HACE1: variants seen among roughly 807,000 people sequenced by gnomAD.
The protein encoded by HACE1 is HECT domain and ankyrin repeat containing E3 ubiquitin protein ligase 1, also known as E3 ubiquitin-protein ligase HACE1.
Under a neutral mutation model 118.4 loss-of-function variants are expected in HACE1, and 73 were observed. That is an observed-to-expected ratio of 0.62 (90% CI 0.51 to 0.75). The LOEUF (loss-of-function observed/expected upper bound fraction) is 0.75. Ranked by LOEUF, HACE1 falls within the 30% of genes least tolerant of loss-of-function variation. HACE1 has a pLI of 0.00. For missense variants in HACE1, 749 were observed against 1,102.2 expected, an observed-to-expected ratio of 0.68 and a Z score of 4.54; for synonymous variants, 368 against 374.8, an observed-to-expected ratio of 0.98 and a Z score of 0.21.
At chr6:104,778,505 A>G (rs1431620199) in intron 14 of HACE1, among the ~76,000 whole-genome samples, 2 of 152,074 alleles carry the variant, frequency 1.3e-5, no homozygotes, top group African/African-American at 4.8e-5. Flanking sequence ...ATTAAAAGTA[A>G]GAGAAGAGGC....
chr6:104,777,243 C>T lies in HACE1; in HGVS notation c.1641G>A (p.Arg547=), dbSNP rs1470031596. 9 of 1,613,324 alleles carry T rather than the reference C, an allele frequency of 5.6e-6. No homozygotes were observed. The highest frequency in any genetic ancestry group is 6.8e-6 in the Non-Finnish European group (8 of 1,179,386). The change falls in exon 15 of 24, where the codon AGG becomes AGA. Residue 547 remains arginine (R), a synonymous_variant. Coordinates refer to ENST00000262903, the MANE Select transcript of HACE1 (RefSeq NM_020771.4). The part of the protein sequence containing the change: ...SGQPDSDMVH[R]PVNENDILLV... ...GCAGGATATCATTTTCATTCACTGG[C>T]CTGTGCACCATATCTGAATCTGGCT...
intron 19 of HACE1, chr6:104,766,884 T>C (rs990701047): frequency 2.0e-5 from 3 of 152,208 alleles, no homozygotes; most frequent in Non-Finnish European, 2.9e-5. Flanking sequence ...GGATGGCCCC[T>C]GCACAAGCAG....
chr6:104,780,019 T>G (rs1441879775), intron 14 of HACE1, among the ~76,000 whole-genome samples: 1 of 152,074 alleles, frequency 6.6e-6, no homozygotes, highest in Non-Finnish European at 1.5e-5. Flanking sequence ...GAAAAATACA[T>G]TAAAAGCATT....
In HACE1 at chr6:104,771,215, A is replaced by C. The variant is rs375071158; in HGVS notation, c.2189T>G (p.Ile730Ser). 2 of 1,612,496 alleles carry C rather than the reference A, an allele frequency of 1.2e-6. No homozygotes were observed. ...CACTTTATTATTTTGTGTCACAAGAATACTCCCACCCCCAGGTTTCAAAGG... is the reference window on the plus strand; with the variant it reads ...CACTTTATTATTTTGTGTCACAAGACTACTCCCACCCCCAGGTTTCAAAGG... ...EVPLKPGGGS[I>S]LVTQNNKAEY... Residue 730 changes from isoleucine (I) to serine (S), a missense_variant, in exon 19 of 24, where the codon ATT becomes AGT. By Grantham distance (142) the Ile-to-Ser change is moderately radical. Coordinates refer to ENST00000262903, the MANE Select transcript of HACE1 (RefSeq NM_020771.4).
intron 1 of HACE1, among the ~76,000 whole-genome samples, chr6:104,857,750 G>A (rs1776874868): frequency 6.6e-6 from 1 of 151,666 alleles, no homozygotes; most frequent in African/African-American, 2.4e-5. Flanking sequence ...GAGGTCAGGC[G>A]ATCGAGACCA....
At chr6:104,801,090 T>C (rs1380657734) in intron 7 of HACE1, among the ~76,000 whole-genome samples, 1 of 152,064 alleles carries the variant, frequency 6.6e-6, no homozygotes, top group African/African-American at 2.4e-5. Flanking sequence ...CAATAGCCGA[T>C]TCGATCAAGT....
intron 6 of HACE1, among the ~76,000 whole-genome samples, chr6:104,831,995 G>A (rs1191965579): frequency 4.4e-4 from 48 of 109,320 alleles, no homozygotes; most frequent in East Asian, 1.3e-3. Context: ...AGGAAGGAAG[G>A]AAGGAAGGAA....
intron 7 of HACE1, among the ~76,000 whole-genome samples, chr6:104,798,591 A>G (rs1437693240): frequency 1.3e-5 from 2 of 152,208 alleles, no homozygotes. Context: ...TCCCTTTGAA[A>G]GCAACAATAA....
At chr6:104,745,526 C>T (rs982593574) in intron 20 of HACE1, among the ~76,000 whole-genome samples, 1 of 150,036 alleles carries the variant, frequency 6.7e-6, no homozygotes, top group Admixed American at 6.7e-5. Context: ...CTGCAAGCTC[C>T]ACCTCCCGGG....
At chr6:104,771,161 A>G in intron 19 of HACE1, 32 bp downstream of exon 19, 1 of 1,502,214 alleles carries the variant, frequency 6.7e-7, no homozygotes, top group Non-Finnish European at 9.3e-7. Context: ...CAAGTTACAA[A>G]CAATGGTTAA....
intron 1 of HACE1, 195 bp downstream of exon 1, chr6:104,859,372 C>T (rs1269447536): frequency 7.6e-6 from 4 of 528,036 alleles, no homozygotes; most frequent in Non-Finnish European, 1.3e-5. Flanking sequence ...CTCCCGAAAA[C>T]TCCCACCTGC....
intron 7 of HACE1, among the ~76,000 whole-genome samples, chr6:104,810,349 A>G (rs1040314529): frequency 3.3e-5 from 5 of 152,036 alleles, no homozygotes; most frequent in Non-Finnish European, 5.9e-5. Flanking sequence ...AGACCCCAAC[A>G]AGAAGCTAAA....
intron 5 of HACE1, among the ~76,000 whole-genome samples, chr6:104,834,814 C>T (rs2115104473): frequency 6.6e-6 from 1 of 152,300 alleles, no homozygotes. Flanking sequence ...AAGTACCATG[C>T]ACCTCTTGAA....
intron 6 of HACE1, among the ~76,000 whole-genome samples, chr6:104,823,178 C>A (rs1772960858): frequency 6.6e-6 from 1 of 152,170 alleles, no homozygotes; most frequent in African/African-American, 2.4e-5. Flanking sequence ...ATGGTTCACA[C>A]CTGCAATCCC....
At chr6:104,773,710 C>T (rs1474385259) in intron 17 of HACE1, among the ~76,000 whole-genome samples, 1 of 151,224 alleles carries the variant, frequency 6.6e-6, no homozygotes, top group Non-Finnish European at 1.5e-5. Context: ...TGTTTAATTC[C>T]TTCTCTAATT....
At chr6:104,770,613 G>A (rs1780499201) in intron 19 of HACE1, among the ~76,000 whole-genome samples, 1 of 152,136 alleles carries the variant, frequency 6.6e-6, no homozygotes, top group Non-Finnish European at 1.5e-5. Context: ...CAGCTACTGA[G>A]GAGGCCAAGG....
chr6:104,805,833 A>AC (rs1770933617), intron 7 of HACE1, among the ~76,000 whole-genome samples: 2 of 152,056 alleles, frequency 1.3e-5, no homozygotes, highest in African/African-American at 4.8e-5. Flanking sequence ...GTGCACATGT[A>AC]CCCTGGAACT....
chr6:104,804,961 TGACAAAGG>T (rs1432414666), intron 7 of HACE1, among the ~76,000 whole-genome samples: 1 of 152,248 alleles, frequency 6.6e-6, no homozygotes, highest in Admixed American at 6.5e-5. Context: ...TCTACTCATC[TGACAAAGG>T]GCTAATATCC....
At chr6:104,829,123 T>C (rs980512896) in intron 6 of HACE1, among the ~76,000 whole-genome samples, 5 of 152,066 alleles carry the variant, frequency 3.3e-5, no homozygotes, top group Non-Finnish European at 5.9e-5. Context: ...AAAAATAAAA[T>C]ATTGAAACTT....
Sources: gnomAD v4.1 joint callset for allele counts (sites outside exome capture counted in the v4.1 genomes callset) on GRCh38, gnomAD v4.1.1 for gene constraint, MANE v1.5 for transcripts, NCBI Gene and HGNC (gene_info 2026-07-23, HGNC 2026-07-21) for gene names.